Variants in HERC1 observed in about 807,000 individuals in gnomAD.
The protein encoded by HERC1 is probable E3 ubiquitin-protein ligase HERC1.
In HERC1, 160 loss-of-function variants were observed where a neutral mutation model predicts 554.3. That is an observed-to-expected ratio of 0.29 (90% CI 0.25 to 0.33). The LOEUF (loss-of-function observed/expected upper bound fraction) is 0.33, where lower values mean the gene tolerates loss of function less well. Among genes scored for constraint, HERC1 ranks in the 10% least tolerant of loss-of-function variants. HERC1 has a pLI of 1.00. For missense variants in HERC1, 4,919 were observed against 5,918.5 expected, an observed-to-expected ratio of 0.83 and a Z score of 5.54; for synonymous variants, 2,175 against 2,131.7, an observed-to-expected ratio of 1.02 and a Z score of -0.56.
chr15:63,802,063 C>A (rs1256890659), intron 1 of HERC1, among the ~76,000 whole-genome samples: 2 of 152,180 alleles, frequency 1.3e-5, no homozygotes, highest in African/African-American at 2.4e-5. Context: ...TCAATAAAGA[C>A]TTCTCAAGGG....
At chr15:63,751,153 A>G (rs1381959985) in intron 8 of HERC1, among the ~76,000 whole-genome samples, 1 of 152,216 alleles carries the variant, frequency 6.6e-6, no homozygotes, top group South Asian at 2.1e-4. Context: ...TTCGGTCAAT[A>G]GCAGACCACA....
chr15:63,616,492 G>A lies in HERC1; in HGVS notation c.13879C>T (p.Gln4627Ter). Residue 4627 changes from glutamine (Q) to a stop codon, truncating the protein, a stop_gained, in exon 75 of 78, where the codon CAG becomes TAG. Transcript: ENST00000443617. LOFTEE classifies it high-confidence loss of function. ...DLEEVDLLYV[Q>*]TLNSILHIED... ...ATGTGAAGAATGCTGTTGAGAGTCT[G>A]CACGTAGAGCAGATCCACCTCCTCC... 1 of 1,613,970 alleles carries A rather than the reference G, an allele frequency of 6.2e-7. No homozygotes were observed. Among genetic ancestry groups the A allele is most frequent in the Non-Finnish European group, 8.5e-7 (1 of 1,179,852 alleles).
At chr15:63,661,362 G>T (rs2070349737) in intron 45 of HERC1, among the ~76,000 whole-genome samples, 1 of 152,160 alleles carries the variant, frequency 6.6e-6, no homozygotes, top group African/African-American at 2.4e-5. Flanking sequence ...GATGTAAAGA[G>T]ATAATATTTT....
At chr15:63,731,344 G>C (rs962521149) in intron 14 of HERC1, among the ~76,000 whole-genome samples, 6 of 151,944 alleles carry the variant, frequency 3.9e-5, no homozygotes, top group Non-Finnish European at 7.4e-5. Flanking sequence ...GAACAAATTT[G>C]GTTTAAATCA....
chr15:63,672,071 T>G (rs534666959), intron 39 of HERC1, among the ~76,000 whole-genome samples: 1 of 152,276 alleles, frequency 6.6e-6, no homozygotes, highest in East Asian at 1.9e-4. Flanking sequence ...CGAAATTTTT[T>G]TAAGAATAAA....
In HERC1 at chr15:63,692,313, C is replaced by A; in HGVS notation, c.5830+98G>T. On this transcript the variant is annotated intron_variant, in intron 31 of 77. Transcript: ENST00000443617. The surrounding 1 kb of genome is among the most constrained non-coding windows in gnomAD (Gnocchi z 4.7). ...AAATAAGAAAGAAAAGCCTTCAAATCAAGGTTACACATGGAGTGTTGCTAA... is the reference window on the plus strand; with the variant it reads ...AAATAAGAAAGAAAAGCCTTCAAATAAAGGTTACACATGGAGTGTTGCTAA... 2 of 869,214 alleles carry A rather than the reference C, an allele frequency of 2.3e-6. No individual in the cohort carries two copies. The highest frequency in any genetic ancestry group is 3.3e-6 in the Non-Finnish European group (2 of 598,624). 53.8% of individuals were successfully genotyped at this position (869,214 alleles called of 1,614,324 possible).
At chr15:63,664,025 A>C (rs2070488061) in intron 43 of HERC1, among the ~76,000 whole-genome samples, 1 of 152,218 alleles carries the variant, frequency 6.6e-6, no homozygotes, top group Non-Finnish European at 1.5e-5. Context: ...TACTAATGTA[A>C]TGAGGGAATC....
intron 1 of HERC1, among the ~76,000 whole-genome samples, chr15:63,798,681 C>T (rs2076886990): frequency 6.6e-6 from 1 of 152,198 alleles, no homozygotes; most frequent in African/African-American, 2.4e-5. Flanking sequence ...AATGCACTCA[C>T]TCCTCACTGT....
intron 1 of HERC1, among the ~76,000 whole-genome samples, chr15:63,819,346 G>C (rs1351660210): frequency 6.6e-6 from 1 of 152,078 alleles, no homozygotes; most frequent in African/African-American, 2.4e-5. Context: ...GTCTCACAGA[G>C]GTGTTATTCA....
At chr15:63,803,770 A>G (rs562970831) in intron 1 of HERC1, among the ~76,000 whole-genome samples, 1 of 152,342 alleles carries the variant, frequency 6.6e-6, no homozygotes, top group African/African-American at 2.4e-5. Context: ...AGTCTCAGAA[A>G]CTTGCAAGGC....
At position 63,725,902 on chromosome 15, in the gene HERC1, T is replaced by C. The variant is rs142503479; in HGVS notation, c.3347-389A>G. On this transcript the variant is annotated intron_variant, in intron 17 of 77. Transcript: ENST00000443617. Reference sequence around the variant, plus strand: ...TTATCCATTAAAATGACATTCAAGATTGTTTAATGCTTTTTAAGGCCTGAA... The same window carrying C: ...TTATCCATTAAAATGACATTCAAGACTGTTTAATGCTTTTTAAGGCCTGAA... 2.6e-3 allele frequency among the ~76,000 whole-genome samples: 394 copies of C among 152,212 alleles called. 2 individuals are homozygous for C. Among genetic ancestry groups the C allele is most frequent in the African/African-American group, 8.5e-3 (354 of 41,516 alleles).
intron 24 of HERC1, among the ~76,000 whole-genome samples, chr15:63,709,437 G>A (rs150712946): frequency 6.6e-6 from 1 of 151,930 alleles, no homozygotes. Context: ...TTGATCTGTT[G>A]TCCCCATTTA....
At position 63,763,347 on chromosome 15, in the gene HERC1, T is replaced by C. The variant is rs151149290; in HGVS notation, c.1026+749A>G. On this transcript the variant is annotated intron_variant, in intron 3 of 77. Transcript: ENST00000443617. Reference sequence around the variant, plus strand: ...AGATAGAACCTAATGGAAGAATACATGTATACAGACATAACACCTGAGACT... The same window carrying C: ...AGATAGAACCTAATGGAAGAATACACGTATACAGACATAACACCTGAGACT... Among the ~76,000 whole-genome samples, 78 of 152,290 alleles carry C rather than the reference T, an allele frequency of 5.1e-4. No homozygotes were observed. The East Asian group carries it at 0.013, about 26-fold the overall frequency.
intron 1 of HERC1, 70 bp downstream of exon 1, chr15:63,833,737 GCACACACGCGCGCGCGCACA>G (rs1334928833): frequency 2.1e-5 from 2 of 96,946 alleles, no homozygotes; most frequent in African/African-American, 4.2e-5. Context: ...GGCCGGCAAA[GCACACACGCGCGCGCGCACA>G]CACACACACA....
At chr15:63,765,179 A>G (rs917336848) in intron 2 of HERC1, among the ~76,000 whole-genome samples, 4 of 152,200 alleles carry the variant, frequency 2.6e-5, no homozygotes, top group African/African-American at 9.6e-5. Flanking sequence ...ACTGAGCGCC[A>G]GAGAAATACA....
chr15:63,716,261 T>A, intron 22 of HERC1, 41 bp downstream of exon 22: 4 of 1,548,866 alleles, frequency 2.6e-6, no homozygotes, highest in Non-Finnish European at 3.5e-6. Context: ...TCAAAAAGCA[T>A]GCCACAGTTT....
chr15:63,694,787 G>A lies in HERC1; in HGVS notation c.5229C>T (p.Asn1743=), dbSNP rs760355884. 1 of 1,613,896 alleles carries A rather than the reference G, an allele frequency of 6.2e-7. No homozygotes were observed. Residue 1743 remains asparagine (N), a synonymous_variant, in exon 28 of 78, where the codon AAC becomes AAT. Coordinates refer to ENST00000443617, the MANE Select transcript of HERC1 (RefSeq NM_003922.4). The surrounding 1 kb of genome is among the most constrained non-coding windows in gnomAD (Gnocchi z 4.3). ...SATLERALQA[N]KHHIEAQQRL... is the part of the protein sequence containing the mutation. The stretch of plus-strand genomic sequence containing the variant: ...CCGTTTACTTACCAATGTGATGCTT[G>A]TTTGCTTGCAGGGCTCTTTCCAGGG...
chr15:63,645,655 G>A lies in HERC1; in HGVS notation c.10906C>T (p.Pro3636Ser), dbSNP rs907603391. 2 of 1,598,004 alleles carry A rather than the reference G, an allele frequency of 1.3e-6. No individual in the cohort carries two copies. The highest frequency in any genetic ancestry group is 1.7e-6 in the Non-Finnish European group (2 of 1,173,382). ...KDTLISMKWD[P>S]TGHILMTCAK... ...CATGTCATAAGAATATGACCTGTAGGGTCCCACTTCATGCTAATAAGAGTA... is the reference window on the plus strand; with the variant it reads ...CATGTCATAAGAATATGACCTGTAGAGTCCCACTTCATGCTAATAAGAGTA... The change falls in exon 56 of 78, where the codon CCT becomes TCT. Residue 3636 changes from proline to serine, a missense_variant. Transcript: ENST00000443617.
intron 44 of HERC1, among the ~76,000 whole-genome samples, chr15:63,662,647 C>G (rs1353308678): frequency 6.6e-6 from 1 of 152,192 alleles, no homozygotes; most frequent in African/African-American, 2.4e-5. Flanking sequence ...AATGTGAGCA[C>G]AGCAGCCATG....
Sources: gnomAD v4.1 joint callset for allele counts (sites outside exome capture counted in the v4.1 genomes callset) on GRCh38, gnomAD v4.1.1 for gene constraint, Gnocchi (gnomAD v3.1) non-coding constraint, MANE v1.5 for transcripts, NCBI Gene and HGNC (gene_info 2026-07-23, HGNC 2026-07-21) for gene names.